Variants in CCDC92 observed in about 807,000 individuals in gnomAD.
CCDC92 encodes the protein coiled-coil domain containing 92.
CCDC92 carries 12 observed loss-of-function variants against 24.9 expected under a neutral mutation model. The ratio of observed to expected loss-of-function variants is 0.48; its 90% CI spans 0.31 to 0.78. The LOEUF (loss-of-function observed/expected upper bound fraction) is 0.78. Ranked by LOEUF, CCDC92 falls within the 30% of genes least tolerant of loss-of-function variation. CCDC92 has a pLI of 0.05. For missense variants in CCDC92, 399 were observed against 439.4 expected (o/e 0.91, Z 0.82); for synonymous variants, 193 against 196.3 (o/e 0.98, Z 0.14).
chr12:123,948,581 G>A (rs986733075), intron 1 of CCDC92, among the ~76,000 whole-genome samples: 1 of 152,212 alleles, frequency 6.6e-6, no homozygotes, highest in African/African-American at 2.4e-5. Flanking sequence ...CTCACAGTGG[G>A]GGACAAGGGT....
At chr12:123,962,439 T>C (rs562747997) in intron 1 of CCDC92, 9 of 152,390 alleles carry the variant, frequency 5.9e-5, no homozygotes, top group African/African-American at 2.2e-4. Context: ...AATTTATTAA[T>C]AATACAATTT....
At chr12:123,969,552 T>A (rs1417390632) in intron 1 of CCDC92, among the ~76,000 whole-genome samples, 2 of 136,806 alleles carry the variant, frequency 1.5e-5, no homozygotes, top group Non-Finnish European at 3.1e-5. Flanking sequence ...CACTGCAACC[T>A]CTGCCTCCTG....
intron 1 of CCDC92, among the ~76,000 whole-genome samples, chr12:123,949,419 T>G (rs2138016062): frequency 1.3e-5 from 2 of 152,344 alleles, no homozygotes; most frequent in South Asian, 4.1e-4. Flanking sequence ...TCTTCTTCCC[T>G]CCTTGGAGAT....
At position 123,944,268 on chromosome 12, in the gene CCDC92, C is replaced by G. The variant is rs760450058; in HGVS notation, c.34+4G>C. ...TGATGCTCACTCAGGGCCCCAGACT[C>G]TACCTTCATCGTAACTCGAGAAATG... is the stretch of plus-strand genomic sequence containing the variant. On this transcript the variant is annotated splice_donor_region_variant and intron_variant, in intron 2 of 4. Transcript: ENST00000238156. The G allele has an allele frequency of 2.5e-6, 4 of 1,585,456 alleles. No homozygotes were observed. The South Asian group carries it at 4.5e-5, about 18-fold the overall frequency.
At chr12:123,952,411 G>A (rs1956049185) in intron 1 of CCDC92, among the ~76,000 whole-genome samples, 1 of 152,242 alleles carries the variant, frequency 6.6e-6, no homozygotes, top group African/African-American at 2.4e-5. Context: ...GGAGCCCTGA[G>A]GGACAGGAAA....
At chr12:123,943,668 A>T in intron 2 of CCDC92, 175 bp from the exon 3 acceptor site, 5 of 689,308 alleles carry the variant, frequency 7.3e-6, no homozygotes, top group Non-Finnish European at 1.2e-5. Flanking sequence ...CACTGCAGGG[A>T]GGCCCCAGGC....
intron 1 of CCDC92, among the ~76,000 whole-genome samples, chr12:123,959,117 C>T (rs112997470): frequency 0.013 from 1,918 of 152,276 alleles, 30 homozygotes; most frequent in African/African-American, 0.043. Flanking sequence ...AAGGATGCAG[C>T]CTTGGGCAAG....
At chr12:123,951,734 C>T (rs11613059) in intron 1 of CCDC92, among the ~76,000 whole-genome samples, 1 of 152,244 alleles carries the variant, frequency 6.6e-6, no homozygotes, top group Non-Finnish European at 1.5e-5. Flanking sequence ...TTCTGTACCG[C>T]TCTGGTGTAC....
chr12:123,951,145 G>A (rs892675584), intron 1 of CCDC92, among the ~76,000 whole-genome samples: 34 of 152,242 alleles, frequency 2.2e-4, no homozygotes, highest in African/African-American at 7.2e-4. Context: ...CTGAACTCAC[G>A]CATTACATAC....
chr12:123,965,216 G>A (rs1446871365), intron 1 of CCDC92, among the ~76,000 whole-genome samples: 2 of 152,132 alleles, frequency 1.3e-5, no homozygotes, highest in Admixed American at 6.5e-5. Flanking sequence ...TTGGAATGAC[G>A]TGTGTGCTTG....
intron 1 of CCDC92, among the ~76,000 whole-genome samples, chr12:123,967,397 TTTC>T (rs1956418913): frequency 6.6e-6 from 1 of 152,234 alleles, no homozygotes; most frequent in African/African-American, 2.4e-5. Context: ...TTTCTCCATC[TTTC>T]TTATCAATGT....
intron 2 of CCDC92, chr12:123,944,017 A>T (rs1322416847): frequency 1.9e-6 from 1 of 517,838 alleles, no homozygotes; most frequent in Non-Finnish European, 3.4e-6. Context: ...GGCACCTGGG[A>T]AATGGGCCAA....
chr12:123,940,831 G>T (rs1052312868), intron 4 of CCDC92, among the ~76,000 whole-genome samples: 1 of 135,520 alleles, frequency 7.4e-6, no homozygotes, highest in East Asian at 2.0e-4. Context: ...AGTCTATGCT[G>T]TACCCTGGGT....
At chr12:123,960,139 C>A (rs1956240054) in intron 1 of CCDC92, among the ~76,000 whole-genome samples, 1 of 152,216 alleles carries the variant, frequency 6.6e-6, no homozygotes, top group Non-Finnish European at 1.5e-5. Context: ...ACTTTTCTGT[C>A]TTGTTCCCTG....
intron 1 of CCDC92, among the ~76,000 whole-genome samples, chr12:123,954,891 C>A (rs1956115154): frequency 6.6e-6 from 1 of 152,244 alleles, no homozygotes; most frequent in Non-Finnish European, 1.5e-5. Context: ...ATCTCCGGAC[C>A]CTCAGAGCTG....
chr12:123,962,021 G>C (rs1031470505), intron 1 of CCDC92, among the ~76,000 whole-genome samples: 8 of 152,102 alleles, frequency 5.3e-5, no homozygotes, highest in African/African-American at 1.9e-4. Flanking sequence ...ACACCGTTTG[G>C]CCAATATTCC....
intron 4 of CCDC92, among the ~76,000 whole-genome samples, chr12:123,941,566 G>A (rs1955685598): frequency 6.6e-6 from 1 of 152,254 alleles, no homozygotes. Context: ...AAGGCATTGT[G>A]GGGAATGGAG....
intron 4 of CCDC92, among the ~76,000 whole-genome samples, chr12:123,941,175 A>T (rs1955672473): frequency 6.6e-6 from 1 of 152,208 alleles, no homozygotes; most frequent in South Asian, 2.1e-4. Flanking sequence ...TCCTTTCCCA[A>T]GGCTTCAGTG....
chr12:123,941,294 A>G (rs12829951), intron 4 of CCDC92, among the ~76,000 whole-genome samples: 48,595 of 151,970 alleles, frequency 0.32, 7,966 homozygotes, highest in Middle Eastern at 0.36. Context: ...GGTCCCTGGT[A>G]TCCCTCCACA....
Sources: gnomAD v4.1 joint callset for allele counts (sites outside exome capture counted in the v4.1 genomes callset) on GRCh38, gnomAD v4.1.1 for gene constraint, MANE v1.5 for transcripts, NCBI Gene and HGNC (gene_info 2026-07-23, HGNC 2026-07-21) for gene names.